HDAC9: variants seen among roughly 807,000 people sequenced by gnomAD.
The protein encoded by HDAC9 is MEF-2 interacting transcription repressor (MITR) protein.
In HDAC9, 41 loss-of-function variants were observed where a neutral mutation model predicts 139.4. That is an observed-to-expected ratio of 0.29 (90% CI 0.23 to 0.38). HDAC9 has a LOEUF of 0.38. HDAC9 is among the 10% of genes least tolerant of loss of function. The pLI, the probability that HDAC9 is intolerant of heterozygous loss-of-function variation, is 1.00. For missense variants in HDAC9, 1,147 were observed against 1,297.0 expected, an observed-to-expected ratio of 0.88 and a Z score of 1.78; for synonymous variants, 517 against 476.2, an observed-to-expected ratio of 1.09 and a Z score of -1.12.
intron 2 of HDAC9, among the ~76,000 whole-genome samples, chr7:18,219,616 T>C (rs1394561948): frequency 6.6e-6 from 1 of 152,172 alleles, no homozygotes; most frequent in Non-Finnish European, 1.5e-5. Flanking sequence ...ACACTCTCAG[T>C]GTTTCCATGT....
At chr7:18,180,297 T>C (rs898819810) in intron 2 of HDAC9, among the ~76,000 whole-genome samples, 1 of 150,718 alleles carries the variant, frequency 6.6e-6, no homozygotes, top group African/African-American at 2.4e-5. Flanking sequence ...CTATGGACAT[T>C]TGCTGCTGTA....
At chr7:18,860,576 T>C (rs1798030656) in intron 21 of HDAC9, among the ~76,000 whole-genome samples, 1 of 152,160 alleles carries the variant, frequency 6.6e-6, no homozygotes, top group Admixed American at 6.6e-5. Flanking sequence ...TTGTTCTGAC[T>C]TGTGTCAAAT....
At chr7:18,970,534 C>T (rs1784179558) in intron 24 of HDAC9, among the ~76,000 whole-genome samples, 2 of 152,206 alleles carry the variant, frequency 1.3e-5, no homozygotes, top group Non-Finnish European at 2.9e-5. Context: ...GAAAAATTAC[C>T]TGGTCACTCA....
chr7:18,943,584 A>T (rs1194626972), intron 23 of HDAC9, among the ~76,000 whole-genome samples: 2 of 152,070 alleles, frequency 1.3e-5, no homozygotes, highest in Admixed American at 6.5e-5. Flanking sequence ...TCCTCCTTTC[A>T]TTCATTGGCT....
intron 2 of HDAC9, among the ~76,000 whole-genome samples, chr7:18,511,905 A>G (rs916518951): frequency 1.3e-4 from 19 of 151,708 alleles, no homozygotes; most frequent in Admixed American, 1.2e-3. Flanking sequence ...TGGTTTTCAT[A>G]TGCTATTAGC....
At chr7:18,146,968 C>T (rs891719676) in intron 1 of HDAC9, among the ~76,000 whole-genome samples, 1 of 152,074 alleles carries the variant, frequency 6.6e-6, no homozygotes, top group African/African-American at 2.4e-5. Flanking sequence ...AATATGAAAC[C>T]ACAAAAAGTG....
chr7:18,600,252 C>T (rs1428524446), intron 6 of HDAC9, among the ~76,000 whole-genome samples: 1 of 151,894 alleles, frequency 6.6e-6, no homozygotes, highest in Non-Finnish European at 1.5e-5. Context: ...AGTGGTTTAT[C>T]TTTTAATTCT....
At chr7:18,789,286 G>GCACACACACACA (rs34385627) in intron 16 of HDAC9, among the ~76,000 whole-genome samples, 88 of 148,506 alleles carry the variant, frequency 5.9e-4, no homozygotes, top group African/African-American at 1.9e-3. Flanking sequence ...ACACATACAC[G>GCACACACACACA]CACACACACA....
chr7:18,971,790 A>G (rs1784257480), intron 24 of HDAC9, among the ~76,000 whole-genome samples: 1 of 152,250 alleles, frequency 6.6e-6, no homozygotes, highest in Non-Finnish European at 1.5e-5. Context: ...CAAACTTCTA[A>G]TATTTAATCT....
At chr7:18,301,579 A>G (rs997541490) in intron 1 of HDAC9, among the ~76,000 whole-genome samples, 26 of 151,936 alleles carry the variant, frequency 1.7e-4, no homozygotes, top group Non-Finnish European at 3.8e-4. Flanking sequence ...GCAGAAATGG[A>G]GATGAAAACT....
At chr7:18,156,452 A>G (rs1176049759) in intron 1 of HDAC9, among the ~76,000 whole-genome samples, 1 of 152,178 alleles carries the variant, frequency 6.6e-6, no homozygotes, top group Non-Finnish European at 1.5e-5. Context: ...TCCAAGGACT[A>G]TGTTCTAGTC....
intron 1 of HDAC9, among the ~76,000 whole-genome samples, chr7:18,348,006 G>A (rs1310948836): frequency 6.6e-6 from 1 of 152,170 alleles, no homozygotes; most frequent in African/African-American, 2.4e-5. Context: ...AGAGAAGTAG[G>A]TAGCAAATTT....
chr7:18,224,976 A>T (rs1792957273), intron 2 of HDAC9, among the ~76,000 whole-genome samples: 1 of 152,102 alleles, frequency 6.6e-6, no homozygotes, highest in Non-Finnish European at 1.5e-5. Context: ...AGTAAAGATG[A>T]TGGAAGTTTA....
chr7:18,313,523 C>T (rs1799450667), intron 1 of HDAC9, among the ~76,000 whole-genome samples: 1 of 152,140 alleles, frequency 6.6e-6, no homozygotes. Context: ...AGATGTGGAA[C>T]ACACTAGTCA....
intron 1 of HDAC9, among the ~76,000 whole-genome samples, chr7:18,092,601 G>T (rs1207406700): frequency 6.6e-6 from 1 of 151,982 alleles, no homozygotes; most frequent in Admixed American, 6.6e-5. Context: ...ATAATAATGG[G>T]GTCCCATTGT....
At chr7:18,852,593 A>T (rs1320924992) in intron 21 of HDAC9, among the ~76,000 whole-genome samples, 1 of 152,220 alleles carries the variant, frequency 6.6e-6, no homozygotes, top group Non-Finnish European at 1.5e-5. Flanking sequence ...TATGGTAAAT[A>T]TGCCTTGGTA....
chr7:18,421,031 A>G (rs1284161684), intron 1 of HDAC9, among the ~76,000 whole-genome samples: 3 of 152,146 alleles, frequency 2.0e-5, no homozygotes, highest in Non-Finnish European at 4.4e-5. Flanking sequence ...TTGTACCTTG[A>G]TTTGCTTTCA....
chr7:18,819,036 T>G (rs1272075040), intron 17 of HDAC9, among the ~76,000 whole-genome samples: 3 of 152,138 alleles, frequency 2.0e-5, no homozygotes, highest in Non-Finnish European at 4.4e-5. Flanking sequence ...TGCCAGCACT[T>G]TAGGAGACTG....
At chr7:18,916,034 A>AC (rs1040340284) in intron 22 of HDAC9, among the ~76,000 whole-genome samples, 2 of 151,560 alleles carry the variant, frequency 1.3e-5, no homozygotes, top group Non-Finnish European at 2.9e-5. Context: ...AAAAAAAAAA[A>AC]AAAACAGAAA....
Sources: gnomAD v4.1 joint callset for allele counts (sites outside exome capture counted in the v4.1 genomes callset) on GRCh38, gnomAD v4.1.1 for gene constraint, MANE v1.5 for transcripts, NCBI Gene and HGNC (gene_info 2026-07-23, HGNC 2026-07-21) for gene names.